RALGAPA1: variants seen among roughly 807,000 people sequenced by gnomAD.
RALGAPA1 encodes ral GTPase-activating protein subunit alpha-1.
A neutral mutation model predicts 269.6 loss-of-function variants in RALGAPA1; 52 were observed. The ratio of observed to expected loss-of-function variants is 0.19; its 90% CI spans 0.15 to 0.24. The LOEUF (loss-of-function observed/expected upper bound fraction) is 0.24, where lower values mean the gene tolerates loss of function less well. RALGAPA1 is among the 10% of genes least tolerant of loss of function. The probability of loss-of-function intolerance (pLI) is 1.00; values close to 1 mark genes in which losing one functional copy is unlikely to be tolerated. For missense variants in RALGAPA1, 1,917 were observed against 3,013.9 expected, an observed-to-expected ratio of 0.64 and a Z score of 8.52; for synonymous variants, 817 against 1,008.3, an observed-to-expected ratio of 0.81 and a Z score of 3.60.
At chr14:35,798,334 C>T (rs1030549345) in intron 1 of RALGAPA1, among the ~76,000 whole-genome samples, 1 of 151,680 alleles carries the variant, frequency 6.6e-6, no homozygotes, top group Non-Finnish European at 1.5e-5. Flanking sequence ...TGCCACAACA[C>T]CTGGCTAATT....
intron 37 of RALGAPA1, among the ~76,000 whole-genome samples, chr14:35,592,529 T>C (rs2058699100): frequency 6.6e-6 from 1 of 152,148 alleles, no homozygotes; most frequent in Admixed American, 6.5e-5. Context: ...ATCCCTAAGC[T>C]AGACAGACAC....
chr14:35,710,756 TATA>T (rs1440218499), intron 16 of RALGAPA1, among the ~76,000 whole-genome samples: 1 of 152,242 alleles, frequency 6.6e-6, no homozygotes, highest in East Asian at 1.9e-4. Context: ...CTGTAGGGAT[TATA>T]ATACTTTATT....
At chr14:35,781,238 A>G (rs2075404118) in intron 1 of RALGAPA1, among the ~76,000 whole-genome samples, 1 of 152,210 alleles carries the variant, frequency 6.6e-6, no homozygotes, top group Admixed American at 6.5e-5. Context: ...ACTGTATGCT[A>G]GCAAATTACA....
At chr14:35,666,007 G>T (rs2063896583) in intron 26 of RALGAPA1, among the ~76,000 whole-genome samples, 1 of 151,714 alleles carries the variant, frequency 6.6e-6, no homozygotes, top group African/African-American at 2.4e-5. Flanking sequence ...ATTGGACTAG[G>T]TGTTTCCTCC....
In RALGAPA1 at chr14:35,688,923, A is replaced by G; in HGVS notation, c.3488T>C (p.Phe1163Ser). Reference sequence around the variant, plus strand: ...CTCTTTGTTTTCCAGAGGATTATAAAACTGAACGGACTCAGTGGATGGCCT... The same window carrying G: ...CTCTTTGTTTTCCAGAGGATTATAAGACTGAACGGACTCAGTGGATGGCCT... ...TFRPSTESVQFYNPLENKEAP... is the reference protein window; with the variant it reads ...TFRPSTESVQSYNPLENKEAP... Residue 1163 changes from phenylalanine to serine, a missense_variant, in exon 18 of 42, where the codon TTT becomes TCT. By Grantham distance (155) the Phe-to-Ser change is radical. This residue lies in a region of RALGAPA1 where 615 missense variants were observed against 790.0 expected (regional missense o/e 0.78). Transcript: ENST00000680220. 3 of 1,255,596 alleles carry G rather than the reference A, an allele frequency of 2.4e-6. No individual in the cohort carries two copies. Among genetic ancestry groups the G allele is most frequent in the Non-Finnish European group, 3.0e-6 (3 of 1,001,812 alleles). 77.8% of individuals were successfully genotyped at this position (1,255,596 alleles called of 1,614,324 possible).
At chr14:35,621,391 ACC>A (rs2060616273) in intron 35 of RALGAPA1, among the ~76,000 whole-genome samples, 1 of 152,216 alleles carries the variant, frequency 6.6e-6, no homozygotes, top group South Asian at 2.1e-4. Flanking sequence ...TAATTATTAG[ACC>A]TAAAACCATC....
chr14:35,579,281 C>G (rs956239234), intron 37 of RALGAPA1, among the ~76,000 whole-genome samples: 19 of 152,178 alleles, frequency 1.2e-4, no homozygotes, highest in South Asian at 1.2e-3. Context: ...GAGATGAGAT[C>G]TAGAGGTAGG....
At chr14:35,792,447 A>T (rs532407117) in intron 1 of RALGAPA1, among the ~76,000 whole-genome samples, 1 of 151,708 alleles carries the variant, frequency 6.6e-6, no homozygotes, top group Non-Finnish European at 1.5e-5. Flanking sequence ...ATGAACCACC[A>T]TGCCAGCTAG....
At position 35,689,062 on chromosome 14, in the gene RALGAPA1, T is replaced by C. The variant is rs780623763; in HGVS notation, c.3349A>G (p.Thr1117Ala). 8.1e-7 allele frequency: 1 copy of C among 1,236,004 alleles called. No homozygotes were observed. Among genetic ancestry groups the C allele is most frequent in the Non-Finnish European group, 1.0e-6 (1 of 990,210 alleles). 76.6% of individuals were successfully genotyped at this position (1,236,004 alleles called of 1,614,324 possible). A position where few individuals can be genotyped will look rare whatever the true frequency, so the allele number is the denominator to read the frequency against. ...GTTGGAGAAAGTTTGCTAGTACTTG[T>C]AACATGAGGCATTCTGCGGTTAACA... ...APVNRRMPHVTSTSKLSPTKR... is the reference protein window; with the variant it reads ...APVNRRMPHVASTSKLSPTKR... Residue 1117 changes from threonine to alanine, a missense_variant, in exon 18 of 42, where the codon ACA (threonine) becomes GCA (alanine). By Grantham distance (58) the Thr-to-Ala change is moderately conservative (BLOSUM62 0). This residue lies in a region of RALGAPA1 where 615 missense variants were observed against 790.0 expected (regional missense o/e 0.78). Transcript: ENST00000680220.
chr14:35,600,459 C>T (rs1307658832), intron 36 of RALGAPA1, among the ~76,000 whole-genome samples: 1 of 151,902 alleles, frequency 6.6e-6, no homozygotes, highest in African/African-American at 2.4e-5. Flanking sequence ...CTCAAAACTC[C>T]TGGCTCAAGC....
rs574846008 is a variant in RALGAPA1 at position 35,803,990 on chromosome 14, A to G, written c.106+4740T>C. ...AAAGACATGTAAAAGATTTAAACAC[A>G]AACTCATCAAAGAAGTTATACAATG... is the stretch of plus-strand genomic sequence containing the variant. On this transcript the variant is annotated intron_variant, in intron 1 of 41. Transcript: ENST00000680220. 4.9e-4 allele frequency among the ~76,000 whole-genome samples: 75 copies of G among 152,264 alleles called. 1 individual carries two copies. The highest frequency in any genetic ancestry group is 1.7e-3 in the African/African-American group (69 of 41,546).
intron 36 of RALGAPA1, 48 bp from the exon 37 acceptor site, chr14:35,595,837 A>G (rs962015744): frequency 2.0e-6 from 3 of 1,497,544 alleles, no homozygotes; most frequent in African/African-American, 1.4e-5. Context: ...AAACCCAAAT[A>G]CACTACAGAG....
intron 35 of RALGAPA1, among the ~76,000 whole-genome samples, chr14:35,610,004 G>A (rs2139282569): frequency 6.8e-6 from 1 of 147,588 alleles, no homozygotes; most frequent in Non-Finnish European, 1.5e-5. Flanking sequence ...AAATAATAAA[G>A]ACTACAGTGG....
At chr14:35,692,456 T>C (rs1314917946) in intron 17 of RALGAPA1, among the ~76,000 whole-genome samples, 1 of 151,724 alleles carries the variant, frequency 6.6e-6, no homozygotes, top group Non-Finnish European at 1.5e-5. Flanking sequence ...CCCTCACTCC[T>C]TGTATATTAG....
At chr14:35,548,622 C>T (rs2054678194) in intron 40 of RALGAPA1, 84 bp from the exon 41 acceptor site, 1 of 901,362 alleles carries the variant, frequency 1.1e-6, no homozygotes, top group Non-Finnish European at 1.7e-6. Context: ...TATTTTCTTA[C>T]TGATTTCTTC....
intron 39 of RALGAPA1, among the ~76,000 whole-genome samples, chr14:35,552,873 A>G (rs146297964): frequency 6.6e-5 from 10 of 152,318 alleles, no homozygotes; most frequent in African/African-American, 2.4e-4. Context: ...GTAAAGAAAC[A>G]GTTTAAATGT....
At chr14:35,551,402 C>T (rs1214900765) in intron 39 of RALGAPA1, among the ~76,000 whole-genome samples, 3 of 152,166 alleles carry the variant, frequency 2.0e-5, no homozygotes, top group East Asian at 1.9e-4. Context: ...ACTCTCTTTT[C>T]GCACCAAAGG....
At chr14:35,653,142 T>C (rs1353768106) in intron 30 of RALGAPA1, among the ~76,000 whole-genome samples, 1 of 152,188 alleles carries the variant, frequency 6.6e-6, no homozygotes, top group Non-Finnish European at 1.5e-5. Flanking sequence ...TCTTGGCTTA[T>C]GACTCTTATG....
chr14:35,653,101 A>G (rs1449418843), intron 30 of RALGAPA1, among the ~76,000 whole-genome samples: 1 of 152,136 alleles, frequency 6.6e-6, no homozygotes, highest in Non-Finnish European at 1.5e-5. Flanking sequence ...TGAACTTTGG[A>G]ATCTTACAGA....
Sources: gnomAD v4.1 joint callset for allele counts (sites outside exome capture counted in the v4.1 genomes callset) on GRCh38, gnomAD v4.1.1 for gene constraint, gnomAD v4.1.1 regional missense constraint, MANE v1.5 for transcripts, NCBI Gene and HGNC (gene_info 2026-07-23, HGNC 2026-07-21) for gene names.